ADCY10: variants seen among roughly 807,000 people sequenced by gnomAD.
The protein encoded by ADCY10 is adenylate cyclase type 10.
A neutral mutation model predicts 183.3 loss-of-function variants in ADCY10; 156 were observed. The observed-to-expected ratio is 0.85, with a 90% CI of 0.75 to 0.97. The LOEUF is 0.97. ADCY10 is among the 50% of genes least tolerant of loss of function. The pLI is 0.00. For synonymous variants in ADCY10, 645 were observed against 670.0 expected, an observed-to-expected ratio of 0.96 and a Z score of 0.58; for missense variants, 1,745 against 1,934.3, an observed-to-expected ratio of 0.90 and a Z score of 1.84.
At chr1:167,815,664 C>T (rs1456938690) in intron 31 of ADCY10, among the ~76,000 whole-genome samples, 1 of 152,034 alleles carries the variant, frequency 6.6e-6, no homozygotes, top group Non-Finnish European at 1.5e-5. Flanking sequence ...TACTAAAAGG[C>T]AAAAACATAG....
In ADCY10 at chr1:167,809,789, C is replaced by T. The variant is rs985192462; in HGVS notation, c.4722G>A (p.Thr1574=). The T allele has an allele frequency of 1.4e-5, 22 of 1,614,130 alleles. No individual in the cohort carries two copies. The highest frequency in any genetic ancestry group is 2.2e-5 in the East Asian group (1 of 44,866). The stretch of plus-strand genomic sequence containing the variant: ...TTTCCCATGATGGGAGACTCAAGAT[C>T]GTCTGAAGCCATTGGTCTTCTTTTA... ...SELKEDQWLQ[T]ILSLPSWEKI... is the part of the protein sequence containing the mutation. The change falls in exon 33 of 33, where the codon ACG becomes ACA. Residue 1574 remains threonine (T), a synonymous_variant. Transcript: ENST00000367851.
At chr1:167,837,223 T>G in intron 22 of ADCY10, 26 bp downstream of exon 22, 1 of 1,569,482 alleles carries the variant, frequency 6.4e-7, no homozygotes. Flanking sequence ...ATGCTCTACT[T>G]CCTAAACAAT....
intron 16 of ADCY10, among the ~76,000 whole-genome samples, 196 bp downstream of exon 16, chr1:167,859,611 T>C (rs896235252): frequency 6.6e-6 from 1 of 152,168 alleles, no homozygotes; most frequent in Non-Finnish European, 1.5e-5. Context: ...GGGACTCTTT[T>C]CAAGGCATCT....
intron 6 of ADCY10, 104 bp from the exon 7 acceptor site, chr1:167,896,795 G>T: frequency 1.3e-6 from 1 of 795,622 alleles, no homozygotes; most frequent in Non-Finnish European, 2.2e-6. Flanking sequence ...ACTGAACAGT[G>T]ATTGGCACAC....
At chr1:167,824,960 T>A in intron 26 of ADCY10, 105 bp from the exon 27 acceptor site, 1 of 1,167,132 alleles carries the variant, frequency 8.6e-7, no homozygotes, top group Non-Finnish European at 1.3e-6. Flanking sequence ...AGTTTGGGAA[T>A]AGAGCTGGAC....
At chr1:167,886,598 G>A (rs1198590608) in intron 8 of ADCY10, among the ~76,000 whole-genome samples, 2 of 152,108 alleles carry the variant, frequency 1.3e-5, no homozygotes, top group African/African-American at 4.8e-5. Context: ...AAAAACCCTA[G>A]AAGAAACCTA....
chr1:167,834,120 G>A, intron 23 of ADCY10, 43 bp from the exon 24 acceptor site: 1 of 1,498,348 alleles, frequency 6.7e-7, no homozygotes, highest in South Asian at 1.1e-5. Flanking sequence ...ATTCAGCAGG[G>A]ATTGAGCCCA....
In ADCY10 at chr1:167,856,396, T is replaced by C. The variant is rs1665898510; in HGVS notation, c.1940A>G (p.Gln647Arg). 6.2e-7 allele frequency: 1 copy of C among 1,614,156 alleles called. No individual in the cohort carries two copies. The highest frequency in any genetic ancestry group is 1.3e-5 in the African/African-American group (1 of 75,032). ...TCTCCAGGAGGTCGAATCCACAAAC[T>C]GGGCCTCATCAATGATAAAAATAAT... ...ERIIFIIDEA[Q>R]FVDSTSWRFM... The change falls in exon 17 of 33, where the codon CAG becomes CGG. Residue 647 changes from glutamine (Q) to arginine (R), a missense_variant. Transcript: ENST00000367851.
chr1:167,869,362 A>G (rs564499014), intron 14 of ADCY10, among the ~76,000 whole-genome samples: 2 of 152,382 alleles, frequency 1.3e-5, no homozygotes, highest in East Asian at 1.9e-4. Context: ...ACAAGAAGGC[A>G]TAAGTGGCAA....
At chr1:167,889,327 A>T (rs115356026) in intron 8 of ADCY10, among the ~76,000 whole-genome samples, 1,852 of 152,316 alleles carry the variant, frequency 0.012, 36 homozygotes, top group African/African-American at 0.042. Flanking sequence ...ATCAACTGAA[A>T]TGATAATATG....
intron 17 of ADCY10, among the ~76,000 whole-genome samples, chr1:167,854,713 G>A (rs1353879790): frequency 1.3e-5 from 2 of 152,130 alleles, no homozygotes; most frequent in Admixed American, 1.3e-4. Flanking sequence ...ACAGACATTG[G>A]AAGGATAAGC....
chr1:167,903,765 C>T, intron 3 of ADCY10, 122 bp downstream of exon 3: 1 of 735,226 alleles, frequency 1.4e-6, no homozygotes, highest in Non-Finnish European at 2.5e-6. Context: ...TGGTTTTATA[C>T]ACATTTCATG....
chr1:167,843,675 A>G (rs1292907372), intron 21 of ADCY10, among the ~76,000 whole-genome samples: 2 of 152,020 alleles, frequency 1.3e-5, no homozygotes, highest in African/African-American at 4.8e-5. Flanking sequence ...GTTTTATCTG[A>G]TCCATGAGAA....
chr1:167,893,737 A>C, intron 8 of ADCY10, 116 bp downstream of exon 8: 1 of 569,052 alleles, frequency 1.8e-6, no homozygotes, highest in Non-Finnish European at 3.2e-6. Flanking sequence ...TTTTTATTTT[A>C]ATGGAACATT....
chr1:167,847,423 T>C (rs7537976), intron 19 of ADCY10, among the ~76,000 whole-genome samples: 132 of 151,996 alleles, frequency 8.7e-4, no homozygotes, highest in African/African-American at 3.1e-3. Flanking sequence ...TCTTTCTTTC[T>C]TTCTTTTTTG....
At chr1:167,843,659 A>G (rs1312150386) in intron 21 of ADCY10, among the ~76,000 whole-genome samples, 1 of 152,094 alleles carries the variant, frequency 6.6e-6, no homozygotes, top group African/African-American at 2.4e-5. Flanking sequence ...TGTTTCTCCC[A>G]GGTGGGTTTT....
intron 19 of ADCY10, among the ~76,000 whole-genome samples, chr1:167,847,011 C>T (rs914393716): frequency 1.3e-5 from 2 of 151,788 alleles, no homozygotes; most frequent in Admixed American, 6.6e-5. Flanking sequence ...CTGCAACCTC[C>T]GCCTCCTGGG....
At chr1:167,823,673 G>C (rs926070397) in intron 28 of ADCY10, among the ~76,000 whole-genome samples, 1 of 152,140 alleles carries the variant, frequency 6.6e-6, no homozygotes, top group African/African-American at 2.4e-5. Flanking sequence ...TCCCTTCCTG[G>C]TCTAGTCTTG....
intron 14 of ADCY10, among the ~76,000 whole-genome samples, chr1:167,864,895 G>GAAAAAAAA (rs59361245): frequency 2.3e-5 from 3 of 129,274 alleles, no homozygotes; most frequent in Admixed American, 7.9e-5. Flanking sequence ...TTGCTAACAG[G>GAAAAAAAA]AAAAAAAAAA....
Sources: allele counts gnomAD v4.1 joint callset (sites outside exome capture counted in the v4.1 genomes callset), GRCh38; gene constraint gnomAD v4.1.1; transcripts MANE v1.5; gene names NCBI Gene and HGNC (gene_info 2026-07-23, HGNC 2026-07-21).